FCHSD2: variants seen among roughly 807,000 people sequenced by gnomAD.
FCHSD2 encodes the protein FCH and double SH3 domains 2.
FCHSD2 carries 38 observed loss-of-function variants against 108.1 expected under a neutral mutation model. The ratio of observed to expected loss-of-function variants is 0.35; its 90% confidence interval spans 0.27 to 0.46. The LOEUF is 0.46. Among genes scored for constraint, FCHSD2 ranks in the 20% least tolerant of loss-of-function variants. The pLI, the probability that FCHSD2 is intolerant of heterozygous loss-of-function variation, is 1.00. For missense variants in FCHSD2, 751 were observed against 897.8 expected, an observed-to-expected ratio of 0.84 and a Z score of 2.09; for synonymous variants, 279 against 314.7, an observed-to-expected ratio of 0.89 and a Z score of 1.20.
chr11:73,109,112 T>C lies in FCHSD2; in HGVS notation c.120-25372A>G, dbSNP rs185777114. On this transcript the variant is annotated intron_variant, in intron 2 of 19. Coordinates refer to ENST00000409418, the MANE Select transcript of FCHSD2 (RefSeq NM_014824.3). ...ACCTGTGTGTCTGTTTTTATGCCAG[T>C]ACCATGCTGTTTTGTAGTATAATTT... 5.3e-4 allele frequency among the ~76,000 whole-genome samples: 81 copies of C among 152,348 alleles called. 1 individual carries two copies. In the Middle Eastern group the frequency reaches 0.01, roughly 19 times the overall value.
intron 4 of FCHSD2, among the ~76,000 whole-genome samples, chr11:73,014,543 GCTT>G (rs927429008): frequency 2.6e-5 from 4 of 152,018 alleles, no homozygotes; most frequent in South Asian, 2.1e-4. Flanking sequence ...AATTATTAGG[GCTT>G]CTTATCATAT....
intron 5 of FCHSD2, among the ~76,000 whole-genome samples, chr11:72,991,119 T>G (rs1274846634): frequency 3.9e-5 from 6 of 152,164 alleles, no homozygotes; most frequent in South Asian, 2.1e-4. Context: ...TAGAAGAAAC[T>G]GATAAATTCC....
chr11:73,000,848 G>C (rs1378310819), intron 5 of FCHSD2, 142 bp downstream of exon 5: 2 of 677,822 alleles, frequency 3.0e-6, no homozygotes, highest in Non-Finnish European at 4.8e-6. Flanking sequence ...AGAACATGTT[G>C]AAATCAGAAA....
In FCHSD2 at chr11:72,842,852, A is replaced by G; in HGVS notation, c.1706-11T>C. On this transcript the variant is annotated splice_polypyrimidine_tract_variant and intron_variant, in intron 16 of 19. Transcript: ENST00000409418. ...CTTTCACAAAACATACTAGGGAGCA[A>G]GAGAAAAACAAATCTGGTAAGATAA... 6.2e-7 allele frequency: 1 copy of G among 1,604,446 alleles called. No homozygotes were observed. Among genetic ancestry groups the G allele is most frequent in the Admixed American group, 1.7e-5 (1 of 59,696 alleles).
chr11:72,984,381 G>C (rs144488482), intron 7 of FCHSD2, among the ~76,000 whole-genome samples, 165 bp from the exon 8 acceptor site: 27 of 152,224 alleles, frequency 1.8e-4, no homozygotes, highest in African/African-American at 6.0e-4. Context: ...CACTACTAAG[G>C]AATGAAACAG....
At chr11:72,936,952 C>G (rs1856315901) in intron 8 of FCHSD2, among the ~76,000 whole-genome samples, 1 of 152,156 alleles carries the variant, frequency 6.6e-6, no homozygotes, top group Non-Finnish European at 1.5e-5. Flanking sequence ...TCTCTTGCCT[C>G]CTTTTATCCC....
intron 3 of FCHSD2, among the ~76,000 whole-genome samples, chr11:73,079,333 A>G (rs1301756875): frequency 6.6e-6 from 1 of 150,884 alleles, no homozygotes; most frequent in Non-Finnish European, 1.5e-5. Context: ...AGTAGCTGGG[A>G]TTACAGGTAC....
At chr11:73,124,763 A>G (rs1386093381) in intron 2 of FCHSD2, among the ~76,000 whole-genome samples, 1 of 152,242 alleles carries the variant, frequency 6.6e-6, no homozygotes, top group African/African-American at 2.4e-5. Flanking sequence ...CTCAAAAAAA[A>G]AAAAAGGAAA....
chr11:73,045,147 G>A (rs560284450), intron 3 of FCHSD2, among the ~76,000 whole-genome samples: 1 of 151,746 alleles, frequency 6.6e-6, no homozygotes, highest in Non-Finnish European at 1.5e-5. Flanking sequence ...CATTTATGCA[G>A]CCAAAAAACA....
chr11:73,026,791 T>C (rs1476049507), intron 3 of FCHSD2, among the ~76,000 whole-genome samples: 2 of 152,166 alleles, frequency 1.3e-5, no homozygotes, highest in African/African-American at 4.8e-5. Flanking sequence ...CATGCTGTTC[T>C]CATGACAGCA....
intron 1 of FCHSD2, chr11:73,141,491 A>G (rs1289789407): frequency 3.2e-6 from 1 of 310,468 alleles, no homozygotes; most frequent in African/African-American, 2.2e-5. Flanking sequence ...AAACAATCAC[A>G]CACGCACAAG....
chr11:73,126,170 T>C (rs1246905559), intron 2 of FCHSD2, among the ~76,000 whole-genome samples: 1 of 151,154 alleles, frequency 6.6e-6, no homozygotes, highest in African/African-American at 2.4e-5. Flanking sequence ...TGAAATCCCA[T>C]CTCTACTAAA....
chr11:72,981,282 T>C (rs1346542914), intron 8 of FCHSD2, among the ~76,000 whole-genome samples: 1 of 152,190 alleles, frequency 6.6e-6, no homozygotes, highest in African/African-American at 2.4e-5. Context: ...ACCTACCCAA[T>C]GCTGATCAAA....
intron 2 of FCHSD2, among the ~76,000 whole-genome samples, chr11:73,097,692 C>T (rs1860123903): frequency 7.2e-6 from 1 of 139,470 alleles, no homozygotes; most frequent in Non-Finnish European, 1.5e-5. Context: ...TTTCTGTAAT[C>T]AGTTTTAGTA....
At chr11:72,883,924 C>G (rs1855142398) in intron 12 of FCHSD2, among the ~76,000 whole-genome samples, 1 of 143,550 alleles carries the variant, frequency 7.0e-6, no homozygotes, top group African/African-American at 2.6e-5. Context: ...AGAGTGAGAC[C>G]GTGTCTCAAA....
At chr11:73,007,000 GATATAGTTTATACCAAGACTT>G (rs1857755039) in intron 4 of FCHSD2, among the ~76,000 whole-genome samples, 1 of 152,098 alleles carries the variant, frequency 6.6e-6, no homozygotes, top group Non-Finnish European at 1.5e-5. Flanking sequence ...TCTTCATTCT[GATATAGTTTATACCAAGACTT>G]ATGTATCCTA....
chr11:73,096,517 C>T (rs191241979), intron 2 of FCHSD2, among the ~76,000 whole-genome samples: 1 of 152,082 alleles, frequency 6.6e-6, no homozygotes, highest in Admixed American at 6.5e-5. Flanking sequence ...TGCTGCTGCA[C>T]TCCAGCCTGG....
chr11:72,940,564 C>A, intron 8 of FCHSD2: 1 of 1,168,274 alleles, frequency 8.6e-7, no homozygotes, highest in Non-Finnish European at 1.3e-6. Context: ...GCGCTTTCTT[C>A]TGAGAGTCAG....
At chr11:72,936,420 GT>G (rs916436673) in intron 8 of FCHSD2, among the ~76,000 whole-genome samples, 2 of 151,876 alleles carry the variant, frequency 1.3e-5, no homozygotes, top group African/African-American at 4.8e-5. Flanking sequence ...TAATTCCCTT[GT>G]TTTTTTTACT....
Sources: allele counts gnomAD v4.1 joint callset (sites outside exome capture counted in the v4.1 genomes callset), GRCh38; gene constraint gnomAD v4.1.1; transcripts MANE v1.5; gene names NCBI Gene and HGNC (gene_info 2026-07-23, HGNC 2026-07-21).